The following FBXL17 variants were observed in gnomAD, a reference collection of about 807,000 sequenced individuals.
The protein encoded by FBXL17 is F-box and leucine rich repeat protein 17.
FBXL17 carries 22 observed loss-of-function variants against 66.2 expected under a neutral mutation model. The ratio of observed to expected loss-of-function variants is 0.33; its 90% confidence interval spans 0.24 to 0.47. The LOEUF (loss-of-function observed/expected upper bound fraction) is 0.47. Among genes scored for constraint, FBXL17 ranks in the 20% least tolerant of loss-of-function variants. The pLI, the probability that FBXL17 is intolerant of heterozygous loss-of-function variation, is 1.00. For missense variants in FBXL17, 878 were observed against 948.2 expected (o/e 0.93, Z 0.97); for synonymous variants, 474 against 400.5 (o/e 1.18, Z -2.19).
At chr5:107,864,504 C>T (rs1361889323) in intron 8 of FBXL17, among the ~76,000 whole-genome samples, 1 of 152,106 alleles carries the variant, frequency 6.6e-6, no homozygotes, top group African/African-American at 2.4e-5. Flanking sequence ...ATATTTGTCC[C>T]CTTCCCATCT....
In FBXL17 at chr5:108,302,391, A is replaced by G. The variant is rs1758631675; in HGVS notation, c.1506+46008T>C. 3.3e-5 allele frequency among the ~76,000 whole-genome samples: 5 copies of G among 151,960 alleles called. No homozygotes were observed. In the South Asian group the frequency reaches 1.0e-3, roughly 31 times the overall value. On this transcript the variant is annotated intron_variant, in intron 4 of 8. Coordinates refer to ENST00000542267, the MANE Select transcript of FBXL17 (RefSeq NM_001163315.3). ...ATAAAAGAAATACATATTGCTTCCT[A>G]ATTCTACAGAGTTATATCTTTACCT... is the stretch of plus-strand genomic sequence containing the variant.
chr5:108,352,020 GCCA>G (rs1747688032), intron 3 of FBXL17, among the ~76,000 whole-genome samples: 1 of 152,226 alleles, frequency 6.6e-6, no homozygotes, highest in Admixed American at 6.5e-5. Context: ...TTTCATACAG[GCCA>G]CGTGGATAAC....
intron 3 of FBXL17, among the ~76,000 whole-genome samples, chr5:108,352,752 G>A (rs1421845531): frequency 1.3e-5 from 2 of 151,918 alleles, no homozygotes; most frequent in South Asian, 2.1e-4. Flanking sequence ...CTCATGATCC[G>A]CCCGCCTCAG....
intron 8 of FBXL17, chr5:107,880,795 A>G: frequency 7.4e-7 from 1 of 1,351,088 alleles, no homozygotes; most frequent in Non-Finnish European, 9.5e-7. Flanking sequence ...TATGTATATG[A>G]TTACTTTTTC....
intron 6 of FBXL17, among the ~76,000 whole-genome samples, chr5:108,073,437 A>T (rs1351468612): frequency 6.6e-6 from 1 of 152,122 alleles, no homozygotes; most frequent in Non-Finnish European, 1.5e-5. Context: ...ATTACTGACA[A>T]TTATAAGGTA....
chr5:108,122,223 C>T (rs887135929), intron 6 of FBXL17, among the ~76,000 whole-genome samples: 4 of 151,934 alleles, frequency 2.6e-5, no homozygotes, highest in Non-Finnish European at 5.9e-5. Context: ...CACAAAAATC[C>T]TACAAAGTAG....
At chr5:108,057,359 G>A (rs576027112) in intron 6 of FBXL17, among the ~76,000 whole-genome samples, 1 of 152,228 alleles carries the variant, frequency 6.6e-6, no homozygotes, top group East Asian at 1.9e-4. Flanking sequence ...CATGACAGAA[G>A]AAATAGTATG....
At chr5:107,938,144 T>C (rs904916370) in intron 7 of FBXL17, among the ~76,000 whole-genome samples, 3 of 152,146 alleles carry the variant, frequency 2.0e-5, no homozygotes, top group African/African-American at 7.2e-5. Flanking sequence ...TTGTGGATCA[T>C]GCAAGCCTGC....
chr5:108,041,400 C>T (rs1002425730), intron 6 of FBXL17, among the ~76,000 whole-genome samples: 2 of 151,952 alleles, frequency 1.3e-5, no homozygotes, highest in Admixed American at 6.6e-5. Flanking sequence ...AGCAAATTGC[C>T]TTTTTGTTTT....
At chr5:108,022,607 C>T (rs288165) in intron 6 of FBXL17, among the ~76,000 whole-genome samples, 118,028 of 151,946 alleles carry the variant, frequency 0.78, 46,220 homozygotes, top group East Asian at 0.93. Flanking sequence ...TCATTAATTG[C>T]AGTTTGTTCT....
At chr5:108,178,504 A>G (rs1580562901) in intron 6 of FBXL17, among the ~76,000 whole-genome samples, 1 of 152,234 alleles carries the variant, frequency 6.6e-6, no homozygotes, top group Non-Finnish European at 1.5e-5. Context: ...CTAGTTTAGA[A>G]AGACTCCATT....
At chr5:108,278,507 C>T (rs141270275) in intron 4 of FBXL17, among the ~76,000 whole-genome samples, 38 of 152,340 alleles carry the variant, frequency 2.5e-4, no homozygotes, top group Non-Finnish European at 5.1e-4. Context: ...GAAGCAGGCA[C>T]TGTCTCTGGG....
intron 7 of FBXL17, among the ~76,000 whole-genome samples, chr5:107,930,276 A>G (rs1487624356): frequency 6.6e-6 from 1 of 152,054 alleles, no homozygotes; most frequent in East Asian, 1.9e-4. Flanking sequence ...TTCATCTTCC[A>G]TCATTTCCTT....
chr5:107,972,739 T>C (rs114825869), intron 7 of FBXL17, among the ~76,000 whole-genome samples: 35 of 152,280 alleles, frequency 2.3e-4, no homozygotes, highest in African/African-American at 8.2e-4. Context: ...TCCTTTAATC[T>C]TTTCCCATAT....
At chr5:108,329,132 T>C (rs545222221) in intron 4 of FBXL17, among the ~76,000 whole-genome samples, 2 of 152,220 alleles carry the variant, frequency 1.3e-5, no homozygotes, top group South Asian at 4.1e-4. Context: ...GTATATCTTG[T>C]CTCTTTCCAA....
intron 4 of FBXL17, among the ~76,000 whole-genome samples, chr5:108,311,255 T>C (rs2150198754): frequency 6.6e-6 from 1 of 152,122 alleles, no homozygotes; most frequent in South Asian, 2.1e-4. Context: ...CACTGCAACC[T>C]CTGCCTCCTG....
chr5:108,219,928 C>CTTTTTTTTTTTTTTTTTTTTTT lies in FBXL17; in HGVS notation c.1614+4171_1614+4192dup. Among the ~76,000 whole-genome samples the CTTTTTTTTTTTTTTTTTTTTTT allele has an allele frequency of 1.7e-3, 64 of 37,464 alleles. 1 individual carries two copies. The highest frequency in any genetic ancestry group is 2.8e-3 in the East Asian group (2 of 724). 24.6% of individuals were successfully genotyped at this position (37,464 alleles called of 152,430 possible). ...TTTCCTCTTTGATCTTTACTATTTC[C>CTTTTTTTTTTTTTTTTTTTTTT]TTTTTTTTTTTTTTTTTTTTTTTGC... On this transcript the variant is annotated intron_variant, in intron 5 of 8. Transcript: ENST00000542267.
At chr5:108,009,323 T>A (rs1354521593) in intron 7 of FBXL17, among the ~76,000 whole-genome samples, 1 of 97,512 alleles carries the variant, frequency 1.0e-5, no homozygotes, top group Non-Finnish European at 2.0e-5. Context: ...ACACATATAG[T>A]TTTGCTTTTG....
intron 7 of FBXL17, among the ~76,000 whole-genome samples, chr5:107,956,505 A>T (rs1048921626): frequency 6.6e-6 from 1 of 152,186 alleles, no homozygotes; most frequent in African/African-American, 2.4e-5. Context: ...TTTTCCCTTT[A>T]TAATCTAACT....
Sources: gnomAD v4.1 joint callset for allele counts (sites outside exome capture counted in the v4.1 genomes callset) on GRCh38, gnomAD v4.1.1 for gene constraint, MANE v1.5 for transcripts, NCBI Gene and HGNC (gene_info 2026-07-23, HGNC 2026-07-21) for gene names.